The following GPBP1L1 variants were observed in gnomAD, a reference collection of about 807,000 sequenced individuals.
GPBP1L1 encodes vasculin-like protein 1.
A neutral mutation model predicts 52.5 loss-of-function variants in GPBP1L1; 23 were observed. The ratio of observed to expected loss-of-function variants is 0.44; its 90% CI spans 0.32 to 0.62. The LOEUF (loss-of-function observed/expected upper bound fraction) is 0.62, where lower values mean the gene tolerates loss of function less well. Among genes scored for constraint, GPBP1L1 ranks in the 20% least tolerant of loss-of-function variants. The pLI is 0.06. For missense variants in GPBP1L1, 596 were observed against 579.3 expected, an observed-to-expected ratio of 1.03 and a Z score of -0.30; for synonymous variants, 243 against 203.1, an observed-to-expected ratio of 1.20 and a Z score of -1.67.
At chr1:45,656,373 C>T (rs1254871171) in intron 4 of GPBP1L1, among the ~76,000 whole-genome samples, 3 of 152,108 alleles carry the variant, frequency 2.0e-5, no homozygotes, top group African/African-American at 4.8e-5. Flanking sequence ...AACCGTAAAT[C>T]GGGGCATGTT....
intron 2 of GPBP1L1, among the ~76,000 whole-genome samples, chr1:45,671,013 C>G (rs963352701): frequency 7.2e-5 from 11 of 151,932 alleles, no homozygotes; most frequent in Non-Finnish European, 1.6e-4. Context: ...AGGCTTGTCT[C>G]GAACTCCTGA....
chr1:45,633,729 G>T, intron 9 of GPBP1L1, 82 bp from the exon 10 acceptor site: 1 of 1,352,236 alleles, frequency 7.4e-7, no homozygotes, highest in South Asian at 1.3e-5. Context: ...CTGACTTCAA[G>T]AATCTGGTAG....
At chr1:45,670,641 G>GA (rs1476966830) in intron 2 of GPBP1L1, among the ~76,000 whole-genome samples, 1 of 149,384 alleles carries the variant, frequency 6.7e-6, no homozygotes, top group African/African-American at 2.5e-5. Flanking sequence ...TTTTCCATAT[G>GA]AAAAAAAAAC....
At chr1:45,687,601 C>T (rs1361354946), upstream of GPBP1L1, 5 of 152,286 alleles carry the variant, frequency 3.3e-5, no homozygotes, top group Non-Finnish European at 7.3e-5. Context: ...CCCAAGGTCA[C>T]ATAGCCGAGA....
chr1:45,657,462 G>A (rs1270724620), intron 4 of GPBP1L1, among the ~76,000 whole-genome samples: 1 of 152,130 alleles, frequency 6.6e-6, no homozygotes, highest in Non-Finnish European at 1.5e-5. Context: ...CCTGAGCCAG[G>A]GAAGTCAAGG....
intron 9 of GPBP1L1, 37 bp downstream of exon 9, chr1:45,634,059 A>G: frequency 6.4e-7 from 1 of 1,557,940 alleles, no homozygotes; most frequent in Non-Finnish European, 8.7e-7. Context: ...GGAAATGGCA[A>G]TTTCAGAAAA....
chr1:45,634,143 T>C lies in GPBP1L1; in HGVS notation c.838A>G (p.Lys280Glu). The stretch of plus-strand genomic sequence containing the variant: ...GCACCACTAGCCAGTACCACTGGTT[T>C]GGTAACAGAGATTGGACTGGTAAAA... ...SAFTSPISVT[K>E]PVVLASGAAL... Residue 280 changes from lysine to glutamate, a missense_variant, in exon 9 of 13, where the codon AAA becomes GAA. Lys to Glu is a moderately conservative substitution (Grantham distance 56, BLOSUM62 1). Transcript: ENST00000355105. The C allele has an allele frequency of 6.2e-7, 1 of 1,614,030 alleles. No homozygotes were observed. Among genetic ancestry groups the C allele is most frequent in the Non-Finnish European group, 8.5e-7 (1 of 1,179,884 alleles).
At chr1:45,678,312 C>T (rs1326898882) in intron 2 of GPBP1L1, among the ~76,000 whole-genome samples, 1 of 152,158 alleles carries the variant, frequency 6.6e-6, no homozygotes, top group African/African-American at 2.4e-5. Context: ...CTCAATGAAG[C>T]TATTCTCCCA....
chr1:45,651,552 T>C, intron 6 of GPBP1L1: 1 of 572,546 alleles, frequency 1.7e-6, no homozygotes, highest in South Asian at 1.8e-5. Flanking sequence ...AGTAGCTGAG[T>C]AGCTGTTTGG....
intron 6 of GPBP1L1, among the ~76,000 whole-genome samples, chr1:45,645,519 T>C (rs1644732642): frequency 6.6e-6 from 1 of 152,156 alleles, no homozygotes; most frequent in Non-Finnish European, 1.5e-5. Flanking sequence ...ACCAAAATGT[T>C]TTGTTTTTTT....
At chr1:45,673,416 T>C (rs1645098699) in intron 2 of GPBP1L1, among the ~76,000 whole-genome samples, 1 of 152,210 alleles carries the variant, frequency 6.6e-6, no homozygotes. Context: ...TAAGCTACCA[T>C]GACTTTTGAC....
At position 45,651,591 on chromosome 1, in the gene GPBP1L1, T is replaced by C. The variant is rs1644820089; in HGVS notation, c.477+2952A>G. On this transcript the variant is annotated intron_variant, in intron 6 of 12. Coordinates refer to ENST00000355105, the MANE Select transcript of GPBP1L1 (RefSeq NM_021639.5). Reference sequence around the variant, plus strand: ...CGCAAGGCCTGGATGAACTGGTTAATCGCAGGAGGCATTTTCAGCTGCATA... The same window carrying C: ...CGCAAGGCCTGGATGAACTGGTTAACCGCAGGAGGCATTTTCAGCTGCATA... 1.2e-5 allele frequency: 8 copies of C among 661,106 alleles called. 1 individual carries two copies. The South Asian group carries it at 1.2e-4, about 10-fold the overall frequency. 41.0% of individuals were successfully genotyped at this position (661,106 alleles called of 1,614,324 possible). A position where few individuals can be genotyped will look rare whatever the true frequency, so the allele number is the denominator to read the frequency against.
chr1:45,628,696 C>T (rs1644490090), intron 12 of GPBP1L1, among the ~76,000 whole-genome samples: 1 of 152,008 alleles, frequency 6.6e-6, no homozygotes, highest in South Asian at 2.1e-4. Flanking sequence ...CGGAATCTCG[C>T]TCTGTCACCC....
chr1:45,640,146 T>C, intron 8 of GPBP1L1, 64 bp downstream of exon 8: 1 of 1,342,948 alleles, frequency 7.4e-7, no homozygotes, highest in Non-Finnish European at 1.0e-6. Flanking sequence ...AATTTATTAA[T>C]TTTTTCCTGA....
chr1:45,679,187 G>T (rs1348192196), intron 2 of GPBP1L1, among the ~76,000 whole-genome samples: 1 of 107,654 alleles, frequency 9.3e-6, no homozygotes, highest in Non-Finnish European at 2.1e-5. Context: ...AGGGAAAATT[G>T]TCTGACAAGT....
chr1:45,655,307 T>C lies in GPBP1L1; in HGVS notation c.73A>G (p.Thr25Ala). 6.2e-7 allele frequency: 1 copy of C among 1,614,080 alleles called. No individual in the cohort carries two copies. Among genetic ancestry groups the C allele is most frequent in the Non-Finnish European group, 8.5e-7 (1 of 1,179,952 alleles). Residue 25 changes from threonine (T) to alanine (A), a missense_variant, in exon 5 of 13, where the codon ACC becomes GCC. Physicochemically the swap from Thr to Ala is moderately conservative, Grantham distance 58. Coordinates refer to ENST00000355105, the MANE Select transcript of GPBP1L1 (RefSeq NM_021639.5). ...TPQSAKSPTATFEKHGEHLPR... is the reference protein window; with the variant it reads ...TPQSAKSPTAAFEKHGEHLPR... ...AGGTGCTCTCCGTGTTTTTCGAAGG[T>C]GGCAGTAGGTGACTAAGATGATGAA...
chr1:45,676,848 C>A (rs1251923400), intron 2 of GPBP1L1, among the ~76,000 whole-genome samples: 1 of 151,714 alleles, frequency 6.6e-6, no homozygotes, highest in East Asian at 1.9e-4. Flanking sequence ...CACTGCACTC[C>A]AGCCTGGGTG....
At chr1:45,670,779 C>T (rs900050267) in intron 2 of GPBP1L1, among the ~76,000 whole-genome samples, 4 of 149,948 alleles carry the variant, frequency 2.7e-5, no homozygotes, top group East Asian at 1.9e-4. Flanking sequence ...TACACTACTA[C>T]CATATGTCTT....
chr1:45,629,731 T>C lies in GPBP1L1; in HGVS notation c.1170-53A>G, dbSNP rs536043469. On this transcript the variant is annotated intron_variant, in intron 11 of 12. Transcript: ENST00000355105. ...AGAATACAACATCACTAAGCCTAAG[T>C]GAACAGCCCACCACTTTTCACAGAA... The C allele has an allele frequency of 6.3e-4, 733 of 1,162,700 alleles. 1 individual carries two copies. The highest frequency in any genetic ancestry group is 8.8e-4 in the Non-Finnish European group (679 of 770,326). 72.0% of individuals were successfully genotyped at this position (1,162,700 alleles called of 1,614,324 possible).
Sources: gnomAD v4.1 joint callset for allele counts (sites outside exome capture counted in the v4.1 genomes callset) on GRCh38, gnomAD v4.1.1 for gene constraint, MANE v1.5 for transcripts, NCBI Gene and HGNC (gene_info 2026-07-23, HGNC 2026-07-21) for gene names.